TRAF2: variants seen among roughly 807,000 people sequenced by gnomAD.
TRAF2 encodes the protein TNF receptor-associated factor 2.
A neutral mutation model predicts 55.6 loss-of-function variants in TRAF2; 6 were observed. The observed-to-expected ratio is 0.11, with a 90% CI of 0.06 to 0.21. The LOEUF (loss-of-function observed/expected upper bound fraction) is 0.21, where lower values mean the gene tolerates loss of function less well. TRAF2 is among the 10% of genes least tolerant of loss of function. TRAF2 has a pLI of 1.00. For missense variants in TRAF2, 561 were observed against 684.5 expected, an observed-to-expected ratio of 0.82 and a Z score of 2.01; for synonymous variants, 329 against 276.3, an observed-to-expected ratio of 1.19 and a Z score of -1.89.
At chr9:136,913,270 C>T (rs1850163570) in intron 6 of TRAF2, among the ~76,000 whole-genome samples, 1 of 151,016 alleles carries the variant, frequency 6.6e-6, no homozygotes, top group African/African-American at 2.4e-5. Context: ...GTGGGGTCCA[C>T]ATACCATGTT....
chr9:136,884,716 C>T (rs1216472962), upstream of TRAF2, among the ~76,000 whole-genome samples: 1 of 152,208 alleles, frequency 6.6e-6, no homozygotes, highest in Non-Finnish European at 1.5e-5. Flanking sequence ...AGCACCACAC[C>T]CAGCTAAATT....
chr9:136,886,285 C>A, upstream of TRAF2: 3 of 572,174 alleles, frequency 5.2e-6, no homozygotes, highest in Non-Finnish European at 6.6e-6. Flanking sequence ...CTTAGGTACC[C>A]ACGCCGTCTC....
rs369765173 is a variant in TRAF2 at position 136,913,295 on chromosome 9, A to ATTTTTTTTTTTTT, written c.604-3236_604-3224dup. 2.0e-4 allele frequency among the ~76,000 whole-genome samples: 17 copies of ATTTTTTTTTTTTT among 87,092 alleles called. 1 individual carries two copies. Among genetic ancestry groups the ATTTTTTTTTTTTT allele is most frequent in the African/African-American group, 7.0e-4 (14 of 19,934 alleles). The allele number at this position is 87,092 out of a possible 152,430, so 57.1% of individuals were successfully genotyped here. On this transcript the variant is annotated intron_variant, in intron 6 of 10. Coordinates refer to ENST00000247668, the MANE Select transcript of TRAF2 (RefSeq NM_021138.4). ...CATACCATGTTCTTATTATAAAGGAATTTTTTTTTTTTTTTTTTTTTTGAG... is the reference window on the plus strand; with the variant it reads ...CATACCATGTTCTTATTATAAAGGAATTTTTTTTTTTTTTTTTTTTTTTTTTTTTTTTTTTGAG...
chr9:136,924,886 GCA>G (rs1416359735), intron 10 of TRAF2, among the ~76,000 whole-genome samples: 4 of 151,950 alleles, frequency 2.6e-5, no homozygotes, highest in Admixed American at 6.6e-5. Flanking sequence ...CTACAGGCAT[GCA>G]CCACCACGCC....
intron 1 of TRAF2, among the ~76,000 whole-genome samples, chr9:136,889,313 C>T (rs554775437): frequency 7.8e-5 from 11 of 140,314 alleles, no homozygotes; most frequent in African/African-American, 2.1e-4. Flanking sequence ...GACAGAGTTT[C>T]GCTCTTGTTG....
rs539158473 is a variant in TRAF2 at position 136,905,090 on chromosome 9, C to T, written c.367-2980C>T. Among the ~76,000 whole-genome samples the T allele has an allele frequency of 2.2e-4, 33 of 152,338 alleles. No individual in the cohort carries two copies. The South Asian group carries it at 6.8e-3, about 32-fold the overall frequency. ...GCCTGTGCTGTCCAGAGCAGGGTCTCCCCTCTTGGGGGAAGTAGCATTAAC... is the reference window on the plus strand; with the variant it reads ...GCCTGTGCTGTCCAGAGCAGGGTCTTCCCTCTTGGGGGAAGTAGCATTAAC... On this transcript the variant is annotated intron_variant, in intron 4 of 10. Coordinates refer to ENST00000247668, the MANE Select transcript of TRAF2 (RefSeq NM_021138.4).
chr9:136,910,586 G>C (rs553842692), intron 6 of TRAF2, among the ~76,000 whole-genome samples: 1 of 152,220 alleles, frequency 6.6e-6, no homozygotes, highest in Non-Finnish European at 1.5e-5. Flanking sequence ...GAGGTGTGAG[G>C]GTAGCTCATC....
At chr9:136,897,692 A>G in intron 1 of TRAF2, among the ~76,000 whole-genome samples, 1 of 140,732 alleles carries the variant, frequency 7.1e-6, no homozygotes, top group African/African-American at 2.7e-5. Flanking sequence ...TGGTAGCTAA[A>G]GGGAATGCAC....
chr9:136,883,782 G>A (rs1412336011), upstream of TRAF2, among the ~76,000 whole-genome samples: 5 of 150,584 alleles, frequency 3.3e-5, no homozygotes, highest in South Asian at 6.3e-4. Flanking sequence ...CTCCCAAAGT[G>A]CTGGGATTAC....
At position 136,904,627 on chromosome 9, in the gene TRAF2, T is replaced by C. The variant is rs17250309; in HGVS notation, c.367-3443T>C. Reference sequence around the variant, plus strand: ...TTTCACTGTGTTAGCCAGGATGGTCTCAATCTCCTGAGCTCGTGATCCACC... The same window carrying C: ...TTTCACTGTGTTAGCCAGGATGGTCCCAATCTCCTGAGCTCGTGATCCACC... On this transcript the variant is annotated intron_variant, in intron 4 of 10. Transcript: ENST00000247668. Among the ~76,000 whole-genome samples the C allele has an allele frequency of 5.3e-3, 802 of 152,078 alleles. 13 individuals carry two copies. The highest frequency in any genetic ancestry group is 0.019 in the African/African-American group (768 of 41,494).
In TRAF2 at chr9:136,925,954, C is replaced by T. The variant is rs768824019; in HGVS notation, c.*53C>T. 16 of 1,602,526 alleles carry T rather than the reference C, an allele frequency of 1.0e-5. No homozygotes were observed. The highest frequency in any genetic ancestry group is 2.2e-5 in the East Asian group (1 of 44,750). On this transcript the variant is annotated 3_prime_UTR_variant, in exon 11 of 11. Coordinates refer to ENST00000247668, the MANE Select transcript of TRAF2 (RefSeq NM_021138.4). ...GGGGCAGCCAGGCACAGCCGGCTCA[C>T]GGAGGGGCCACCACGCTGGGCCAGG...
intron 1 of TRAF2, among the ~76,000 whole-genome samples, chr9:136,892,896 C>G (rs1193676843): frequency 6.6e-6 from 1 of 152,104 alleles, no homozygotes; most frequent in Non-Finnish European, 1.5e-5. Context: ...ATAAATAAAC[C>G]ATTAGTGGCT....
chr9:136,921,269 G>T, intron 9 of TRAF2, 54 bp downstream of exon 9: 3 of 1,604,744 alleles, frequency 1.9e-6, no homozygotes, highest in Non-Finnish European at 2.6e-6. Context: ...TGGCACCTGG[G>T]TCCCCTCACC....
intron 1 of TRAF2, among the ~76,000 whole-genome samples, chr9:136,896,215 CTG>C (rs752615591): frequency 9.3e-4 from 142 of 152,346 alleles, no homozygotes; most frequent in Middle Eastern, 3.4e-3. Context: ...GGGGCCGGGA[CTG>C]GGGACAGAGC....
chr9:136,905,870 C>T (rs1223208755), intron 4 of TRAF2, among the ~76,000 whole-genome samples: 1 of 152,128 alleles, frequency 6.6e-6, no homozygotes, highest in Admixed American at 6.5e-5. Flanking sequence ...TTTGGGAGGC[C>T]AAGGCAGGTG....
At chr9:136,921,619 G>A (rs374353077) in intron 9 of TRAF2, among the ~76,000 whole-genome samples, 48 of 152,172 alleles carry the variant, frequency 3.2e-4, no homozygotes, top group African/African-American at 1.2e-3. Flanking sequence ...CAGGGCCTTG[G>A]AGCTGAGCTA....
chr9:136,884,453 C>G (rs558894542), upstream of TRAF2, among the ~76,000 whole-genome samples: 2 of 151,986 alleles, frequency 1.3e-5, no homozygotes, highest in Admixed American at 1.3e-4. Flanking sequence ...CCAGCTACTC[C>G]GGAGGCTTAG....
Position 136,916,560 on chromosome 9 carries a change from C to T in TRAF2, c.623C>T (p.Thr208Ile). ...TTGTAGTTTCAGGACCACGTCAAGA[C>T]TTGTGGCAAGTGTCGAGTCCCTTGC... is the stretch of plus-strand genomic sequence containing the variant. ...PREKFQDHVK[T>I]CGKCRVPCRF... The change falls in exon 7 of 11, where the codon ACT (threonine) becomes ATT (isoleucine). Residue 208 changes from threonine (T) to isoleucine (I), a missense_variant. Around this residue, in one of 2 missense-constraint regions of TRAF2, gnomAD observed 426 missense variants for 476.8 expected, o/e 0.89. Coordinates refer to ENST00000247668, the MANE Select transcript of TRAF2 (RefSeq NM_021138.4). 1.2e-6 allele frequency: 2 copies of T among 1,614,076 alleles called. No individual in the cohort carries two copies. Among genetic ancestry groups the T allele is most frequent in the Non-Finnish European group, 1.7e-6 (2 of 1,179,992 alleles).
intron 6 of TRAF2, among the ~76,000 whole-genome samples, chr9:136,913,179 TCTGATGATGAGGCCA>T (rs993618706): frequency 5.7e-4 from 87 of 152,126 alleles, no homozygotes; most frequent in African/African-American, 1.1e-3. Flanking sequence ...CAACATGGCT[TCTGATGATGAGGCCA>T]CTGATGATGA....
Sources: gnomAD v4.1 joint callset for allele counts (sites outside exome capture counted in the v4.1 genomes callset) on GRCh38, gnomAD v4.1.1 for gene constraint, gnomAD v4.1.1 regional missense constraint, MANE v1.5 for transcripts, NCBI Gene and HGNC (gene_info 2026-07-23, HGNC 2026-07-21) for gene names.